LRCH2: variants seen among roughly 807,000 people sequenced by gnomAD.
LRCH2 encodes leucine rich repeats and calponin homology domain containing 2.
In LRCH2, 38 loss-of-function variants were observed where a neutral mutation model predicts 68.9. The observed-to-expected ratio is 0.55, with a 90% CI of 0.43 to 0.72. The LOEUF (loss-of-function observed/expected upper bound fraction) is 0.72, where lower values mean the gene tolerates loss of function less well. Among genes scored for constraint, LRCH2 ranks in the 30% least tolerant of loss-of-function variants. LRCH2 has a pLI of 0.00. For missense variants in LRCH2, 528 were observed against 572.9 expected, an observed-to-expected ratio of 0.92 and a Z score of 0.80; for synonymous variants, 191 against 208.1, an observed-to-expected ratio of 0.92 and a Z score of 0.71.
chrX:115,217,659 T>C (rs1463897849), intron 1 of LRCH2, among the ~76,000 whole-genome samples: 1 of 112,213 alleles, frequency 8.9e-6, no homozygotes, highest in African/African-American at 3.2e-5. Context: ...TCCAAGTCTT[T>C]GCTATTGTGA....
intron 1 of LRCH2, among the ~76,000 whole-genome samples, chrX:115,228,831 T>A (rs184590084): frequency 1.8e-5 from 2 of 111,547 alleles, no homozygotes; most frequent in Non-Finnish European, 3.8e-5. Context: ...TCAAACTAAA[T>A]TAATCCCCTC....
At chrX:115,126,749 T>C in intron 16 of LRCH2, 94 bp downstream of exon 16, 1 of 623,557 alleles carries the variant, frequency 1.6e-6, no homozygotes, top group Non-Finnish European at 2.4e-6. Context: ...GCAAAAAAAA[T>C]CAGGTTACAG....
intron 3 of LRCH2, among the ~76,000 whole-genome samples, chrX:115,181,828 A>C (rs1556552829): frequency 8.9e-6 from 1 of 112,066 alleles, no homozygotes; most frequent in East Asian, 2.8e-4. Context: ...TAAATTAAAA[A>C]ACAGTTGGTC....
intron 1 of LRCH2, among the ~76,000 whole-genome samples, chrX:115,216,273 T>C (rs994755262): frequency 4.6e-4 from 51 of 111,805 alleles, no homozygotes; most frequent in African/African-American, 1.6e-3. Flanking sequence ...CATAAATTTA[T>C]AAAGACCTAC....
intron 20 of LRCH2, 78 bp from the exon 21 acceptor site, chrX:115,113,413 A>T (rs1222247569): frequency 2.5e-6 from 2 of 794,989 alleles, no homozygotes; most frequent in Non-Finnish European, 3.4e-6. Flanking sequence ...GATTTTAAAA[A>T]CATGATTTCT....
chrX:115,141,579 A>C (rs1171978451), intron 14 of LRCH2, among the ~76,000 whole-genome samples: 3 of 110,917 alleles, frequency 2.7e-5, no homozygotes, highest in Non-Finnish European at 3.8e-5. Flanking sequence ...GTTTCCCCTA[A>C]GCAGTTCCCA....
chrX:115,185,470 C>T (rs1262728446), intron 2 of LRCH2, among the ~76,000 whole-genome samples: 11 of 111,996 alleles, frequency 9.8e-5, no homozygotes, highest in Middle Eastern at 8.3e-3. Flanking sequence ...GAACCACTAA[C>T]AAAATGTATA....
chrX:115,233,883 C>T lies in LRCH2; in HGVS notation c.159G>A (p.Pro53=). The change falls in exon 1 of 21, where the codon CCG becomes CCA. Residue 53 remains proline, a synonymous_variant. Coordinates refer to ENST00000317135, the MANE Select transcript of LRCH2 (RefSeq NM_020871.4). The part of the protein sequence containing the change: ...GGTLVVPIPV[P]TLFGQPFPNG... ...TGGGGAACGGCTGACCGAAAAGAGT[C>T]GGTACCGGGATGGGGACCACCAGGG... is the stretch of plus-strand genomic sequence containing the variant. 8.6e-7 allele frequency: 1 copy of T among 1,165,789 alleles called. No homozygotes were observed. Among genetic ancestry groups the T allele is most frequent in the Non-Finnish European group, 1.1e-6 (1 of 872,442 alleles).
At chrX:115,172,910 T>C (rs1016550477) in intron 5 of LRCH2, among the ~76,000 whole-genome samples, 2 of 110,492 alleles carry the variant, frequency 1.8e-5, no homozygotes, top group Admixed American at 9.7e-5. Context: ...GCTAGCATCC[T>C]AAGAAAGGGT....
rs782318642 is a variant in LRCH2 at position 115,200,016 on chromosome X, ATAT to A, written c.350-11649_350-11647del. On this transcript the variant is annotated intron_variant, in intron 1 of 20. Coordinates refer to ENST00000317135, the MANE Select transcript of LRCH2 (RefSeq NM_020871.4). The stretch of plus-strand genomic sequence containing the variant: ...CTTCAGAAACGATACAAACACATGG[ATAT>A]TACACAAGCTCCTGAACAATCATTG... Among the ~76,000 whole-genome samples, 23 of 112,364 alleles carry A rather than the reference ATAT, an allele frequency of 2.0e-4. No homozygotes were observed. The South Asian group carries it at 8.4e-3, about 41-fold the overall frequency.
intron 20 of LRCH2, among the ~76,000 whole-genome samples, chrX:115,121,655 A>T (rs1307368628): frequency 8.9e-6 from 1 of 112,420 alleles, no homozygotes; most frequent in East Asian, 2.8e-4. Context: ...TCTGTCTCAA[A>T]AAAACAAAAG....
In LRCH2 at chrX:115,174,615, A is replaced by G. The variant is rs200478357; in HGVS notation, c.865-4183T>C. Among the ~76,000 whole-genome samples, 3 of 100,218 alleles carry G rather than the reference A, an allele frequency of 3.0e-5. No individual in the cohort carries two copies. In the East Asian group the frequency reaches 9.3e-4, roughly 31 times the overall value. The allele number at this position is 100,218 out of a possible 115,157, so 87.0% of individuals were successfully genotyped here. A position where few individuals can be genotyped will look rare whatever the true frequency, so the allele number is the denominator to read the frequency against. On this transcript the variant is annotated intron_variant, in intron 5 of 20. Coordinates refer to ENST00000317135, the MANE Select transcript of LRCH2 (RefSeq NM_020871.4). Reference sequence around the variant, plus strand: ...CACCCCCCCCCCCACACACACACACACACTATATTTTCTTTATCCATTCAT... The same window carrying G: ...CACCCCCCCCCCCACACACACACACGCACTATATTTTCTTTATCCATTCAT...
At position 115,208,276 on chromosome X, in the gene LRCH2, C is replaced by T. The variant is rs186303861; in HGVS notation, c.350-19906G>A. Reference sequence around the variant, plus strand: ...TGTGTATTTTTTTCTTGTGCAGTATCGATATCTCAGTTAATTAGCATCCAA... The same window carrying T: ...TGTGTATTTTTTTCTTGTGCAGTATTGATATCTCAGTTAATTAGCATCCAA... On this transcript the variant is annotated intron_variant, in intron 1 of 20. Transcript: ENST00000317135. Among the ~76,000 whole-genome samples, 87 of 111,247 alleles carry T rather than the reference C, an allele frequency of 7.8e-4. No homozygotes were observed. In the East Asian group the frequency reaches 8.8e-3, roughly 11 times the overall value.
In LRCH2 at chrX:115,233,722, C is replaced by T. The variant is rs868906658; in HGVS notation, c.320G>A (p.Gly107Asp). 1 of 1,175,846 alleles carries T rather than the reference C, an allele frequency of 8.5e-7. No individual in the cohort carries two copies. Among genetic ancestry groups the T allele is most frequent in the Non-Finnish European group, 1.1e-6 (1 of 876,213 alleles). ...GRKLRDFPGS[G>D]YDLTDTTQAD... is the part of the protein sequence containing the mutation. Reference sequence around the variant, plus strand: ...TTGGGTGGTGTCCGTCAGGTCGTAGCCGCTGCCCGGGAAGTCTCGGAGTTT... The same window carrying T: ...TTGGGTGGTGTCCGTCAGGTCGTAGTCGCTGCCCGGGAAGTCTCGGAGTTT... Residue 107 changes from glycine (G) to aspartate (D), a missense_variant, in exon 1 of 21, where the codon GGC (glycine) becomes GAC (aspartate). Gly to Asp is a moderately conservative substitution (Grantham distance 94, BLOSUM62 -1). Transcript: ENST00000317135.
chrX:115,197,845 T>TCACACA (rs1298411202), intron 1 of LRCH2, among the ~76,000 whole-genome samples: 1 of 28,620 alleles, frequency 3.5e-5, no homozygotes, highest in Non-Finnish European at 7.0e-5. Flanking sequence ...TCTCTCTCTC[T>TCACACA]CTCACACACA....
At chrX:115,158,107 G>A (rs781993003) in intron 11 of LRCH2, among the ~76,000 whole-genome samples, 59 of 111,508 alleles carry the variant, frequency 5.3e-4, no homozygotes, top group Non-Finnish European at 7.5e-4. Context: ...CCAGTTACTA[G>A]TACTTATTTT....
chrX:115,135,634 G>A (rs974221879), intron 14 of LRCH2, among the ~76,000 whole-genome samples: 1 of 111,923 alleles, frequency 8.9e-6, no homozygotes. Flanking sequence ...AGCAGTGGCA[G>A]GGTTTTAGAG....
rs901331604 is a variant in LRCH2, at chrX:115,169,687, T to C, written c.998+612A>G. On this transcript the variant is annotated intron_variant, in intron 6 of 20. Coordinates refer to ENST00000317135, the MANE Select transcript of LRCH2 (RefSeq NM_020871.4). ...TCTGTAGTCTCACCCCATTCTAGGT[T>C]ATTTTCTAAACTATTACATGGATTT... is the stretch of plus-strand genomic sequence containing the variant. Among the ~76,000 whole-genome samples, 8 of 111,504 alleles carry C rather than the reference T, an allele frequency of 7.2e-5. No individual in the cohort carries two copies. In the South Asian group the frequency reaches 1.1e-3, roughly 16 times the overall value.
At position 115,179,511 on chromosome X, in the gene LRCH2, G is replaced by C; in HGVS notation, c.780C>G (p.Thr260=). Residue 260 remains threonine (T), a synonymous_variant, in exon 5 of 21, where the codon ACC becomes ACG. Coordinates refer to ENST00000317135, the MANE Select transcript of LRCH2 (RefSeq NM_020871.4). The stretch of plus-strand genomic sequence containing the variant: ...GCTTTCTGTAACAAACTGGAATTTC[G>C]GTCACTTTATTACAAGAGAAATCCA... The part of the protein sequence containing the change: ...VKLDFSCNKV[T]EIPVCYRKLH... 1 of 1,148,108 alleles carries C rather than the reference G, an allele frequency of 8.7e-7. No homozygotes were observed. The highest frequency in any genetic ancestry group is 1.2e-6 in the Non-Finnish European group (1 of 864,190). The allele number at this position is 1,148,108 out of a possible 1,213,427, so 94.6% of individuals were successfully genotyped here.
Sources: gnomAD v4.1 joint callset for allele counts (sites outside exome capture counted in the v4.1 genomes callset) on GRCh38, gnomAD v4.1.1 for gene constraint, MANE v1.5 for transcripts, NCBI Gene and HGNC (gene_info 2026-07-23, HGNC 2026-07-21) for gene names.